Variants in VPS13A observed in about 807,000 individuals in gnomAD.
VPS13A encodes intermembrane lipid transfer protein VPS13A.
A neutral mutation model predicts 390.9 loss-of-function variants in VPS13A; 264 were observed. The ratio of observed to expected loss-of-function variants is 0.68; its 90% CI spans 0.61 to 0.75. VPS13A has a LOEUF of 0.75. VPS13A is among the 30% of genes least tolerant of loss of function. The probability of loss-of-function intolerance (pLI) is 0.00; values close to 1 mark genes in which losing one functional copy is unlikely to be tolerated. For synonymous variants in VPS13A, 1,231 were observed against 1,227.1 expected, an observed-to-expected ratio of 1.00 and a Z score of -0.07; for missense variants, 3,409 against 3,733.9, an observed-to-expected ratio of 0.91 and a Z score of 2.27.
chr9:77,390,140 T>A, intron 68 of VPS13A: 1 of 985,054 alleles, frequency 1.0e-6, no homozygotes, highest in Non-Finnish European at 1.2e-6. Flanking sequence ...TCTGAAAATT[T>A]GAGTAAGTGG....
At chr9:77,307,340 C>T (rs577999581) in intron 34 of VPS13A, among the ~76,000 whole-genome samples, 1 of 152,178 alleles carries the variant, frequency 6.6e-6, no homozygotes, top group African/African-American at 2.4e-5. Context: ...ATTGTAATCC[C>T]AGTTTCTTGG....
At chr9:77,360,726 G>T in intron 59 of VPS13A, 85 bp downstream of exon 59, 2 of 1,037,960 alleles carry the variant, frequency 1.9e-6, no homozygotes, top group East Asian at 2.6e-5. Flanking sequence ...AAATGACTTT[G>T]TTGCATTTTA....
chr9:77,322,971 T>G, intron 44 of VPS13A, 96 bp from the exon 45 acceptor site: 1 of 1,016,210 alleles, frequency 9.8e-7, no homozygotes, highest in East Asian at 2.7e-5. Flanking sequence ...TATTTATAAG[T>G]TTAAGAATCA....
At chr9:77,368,163 GAC>G in intron 62 of VPS13A, 27 bp downstream of exon 62, 1 of 1,580,904 alleles carries the variant, frequency 6.3e-7, no homozygotes, top group Non-Finnish European at 8.7e-7. Context: ...ATTACAGAGG[GAC>G]AGAGTGATAC....
At position 77,217,213 on chromosome 9, in the gene VPS13A, C is replaced by T. The variant is rs1822914420; in HGVS notation, c.755-2741C>T. On this transcript the variant is annotated intron_variant, in intron 10 of 71. Transcript: ENST00000360280. ...AGGGCAGTATTCTCAAAGTATGGTT[C>T]AAACTAGCAACATCATTTAGAAATG... 3.3e-5 allele frequency among the ~76,000 whole-genome samples: 5 copies of T among 152,272 alleles called. No homozygotes were observed. In the South Asian group the frequency reaches 1.0e-3, roughly 32 times the overall value.
chr9:77,391,988 C>T (rs1210609937), intron 68 of VPS13A, among the ~76,000 whole-genome samples: 1 of 152,164 alleles, frequency 6.6e-6, no homozygotes, highest in Non-Finnish European at 1.5e-5. Flanking sequence ...GCTCATCTCT[C>T]ATGAGTTTAT....
At chr9:77,240,729 C>T (rs1483730873) in intron 19 of VPS13A, among the ~76,000 whole-genome samples, 1 of 152,050 alleles carries the variant, frequency 6.6e-6, no homozygotes, top group Non-Finnish European at 1.5e-5. Context: ...CCATCTCAGC[C>T]TCCCAAAGTG....
chr9:77,296,392 C>G (rs900306426), intron 33 of VPS13A, among the ~76,000 whole-genome samples: 1 of 152,188 alleles, frequency 6.6e-6, no homozygotes, highest in East Asian at 1.9e-4. Context: ...TTTCTAATTG[C>G]CCATTCTGAA....
intron 35 of VPS13A, among the ~76,000 whole-genome samples, chr9:77,308,336 A>AT (rs984705990): frequency 3.3e-5 from 5 of 151,480 alleles, no homozygotes; most frequent in African/African-American, 1.2e-4. Flanking sequence ...CGTTGTGTTG[A>AT]TTTTTTTTCT....
intron 1 of VPS13A, among the ~76,000 whole-genome samples, chr9:77,188,686 G>A (rs1229645770): frequency 1.3e-5 from 2 of 152,118 alleles, no homozygotes; most frequent in African/African-American, 4.8e-5. Flanking sequence ...GTAGTTCTTA[G>A]TTCTTAAATC....
chr9:77,406,283 G>A (rs1054115940), intron 70 of VPS13A, among the ~76,000 whole-genome samples: 1 of 152,248 alleles, frequency 6.6e-6, no homozygotes, highest in South Asian at 2.1e-4. Context: ...GTGGCTATTA[G>A]CCTGTGCTGC....
At chr9:77,293,269 C>G in intron 31 of VPS13A, 72 bp from the exon 32 acceptor site, 1 of 1,335,302 alleles carries the variant, frequency 7.5e-7, no homozygotes, top group Admixed American at 1.8e-5. Context: ...TTATTTTTTA[C>G]TGTTTTATTT....
At position 77,222,554 on chromosome 9, in the gene VPS13A, T is replaced by C. The variant is rs191477969; in HGVS notation, c.1161+1198T>C. On this transcript the variant is annotated intron_variant, in intron 13 of 71. Transcript: ENST00000360280. ...TTGTGCTTTGCAGACATTGTGTTTT[T>C]TACAAATTGAAGGTTTGTGGCAACA... Among the ~76,000 whole-genome samples the C allele has an allele frequency of 5.3e-4, 81 of 152,330 alleles. 1 individual carries two copies. In the South Asian group the frequency reaches 8.1e-3, roughly 15 times the overall value.
chr9:77,310,006 A>T (rs1250182171), intron 35 of VPS13A, among the ~76,000 whole-genome samples: 2 of 152,158 alleles, frequency 1.3e-5, no homozygotes, highest in Non-Finnish European at 2.9e-5. Context: ...ACAATGGAGG[A>T]ATCTATTCAG....
intron 45 of VPS13A, 127 bp from the exon 46 acceptor site, chr9:77,331,883 T>A: frequency 4.7e-6 from 3 of 638,712 alleles, no homozygotes; most frequent in East Asian, 5.7e-5. Context: ...CTTTTCTAAT[T>A]TATATAAGCA....
Position 77,365,561 on chromosome 9 carries a change from A to G in VPS13A, c.8313A>G (p.Ile2771Met). 2.5e-6 allele frequency: 4 copies of G among 1,604,484 alleles called. No individual in the cohort carries two copies. Among genetic ancestry groups the G allele is most frequent in the Non-Finnish European group, 3.4e-6 (4 of 1,171,872 alleles). The change falls in exon 60 of 72, where the codon ATA becomes ATG. Residue 2771 changes from isoleucine to methionine, a missense_variant. Around this residue, in one of 5 missense-constraint regions of VPS13A, gnomAD observed 123 missense variants for 118.7 expected, o/e 1.04. Coordinates refer to ENST00000360280, the MANE Select transcript of VPS13A (RefSeq NM_033305.3). ...SQVSLYEYFH[I>M]SPIKLHLSVS... ...TCAGCCTCTATGAATATTTTCATAT[A>G]TCTCCTATCAAGGTAGGAGAAAGTC...
chr9:77,346,739 T>C (rs999208535), intron 52 of VPS13A, among the ~76,000 whole-genome samples: 1 of 152,240 alleles, frequency 6.6e-6, no homozygotes, highest in African/African-American at 2.4e-5. Flanking sequence ...CTTCTACATG[T>C]GGCTTGCCCA....
intron 68 of VPS13A, chr9:77,384,517 ATG>A (rs1427152943): frequency 3.5e-5 from 56 of 1,597,918 alleles, no homozygotes; most frequent in Middle Eastern, 1.7e-4. Context: ...ATAATCTTAC[ATG>A]TTTTCAAGCA....
At chr9:77,235,293 T>C (rs966059108) in intron 17 of VPS13A, among the ~76,000 whole-genome samples, 2 of 152,222 alleles carry the variant, frequency 1.3e-5, no homozygotes, top group Admixed American at 6.5e-5. Context: ...TTCCTTCATT[T>C]TAGAAGGATA....
Sources: allele counts gnomAD v4.1 joint callset (sites outside exome capture counted in the v4.1 genomes callset), GRCh38; gene constraint gnomAD v4.1.1; regional missense constraint gnomAD v4.1.1; transcripts MANE v1.5; gene names NCBI Gene and HGNC (gene_info 2026-07-23, HGNC 2026-07-21).